The following NLGN1 variants were observed in gnomAD, a reference collection of about 807,000 sequenced individuals.
NLGN1 encodes the protein neuroligin 1.
In NLGN1, 12 loss-of-function variants were observed where a neutral mutation model predicts 65.5. The observed-to-expected ratio is 0.18, with a 90% CI of 0.12 to 0.30. NLGN1 has a LOEUF of 0.30. Ranked by LOEUF, NLGN1 falls within the 10% of genes least tolerant of loss-of-function variation. The pLI is 1.00. For missense variants in NLGN1, 750 were observed against 1,007.1 expected, an observed-to-expected ratio of 0.74 and a Z score of 3.46; for synonymous variants, 350 against 359.5, an observed-to-expected ratio of 0.97 and a Z score of 0.30.
intron 3 of NLGN1, among the ~76,000 whole-genome samples, chr3:173,622,074 A>G (rs1754085907): frequency 6.6e-6 from 1 of 152,120 alleles, no homozygotes; most frequent in Admixed American, 6.6e-5. Flanking sequence ...TTTCTCTATT[A>G]CTGTCATTTC....
intron 4 of NLGN1, among the ~76,000 whole-genome samples, chr3:173,974,122 C>A (rs1238107176): frequency 6.7e-6 from 1 of 149,856 alleles, no homozygotes; most frequent in African/African-American, 2.5e-5. Context: ...GATCAAAGAG[C>A]AATTAAAGTT....
chr3:174,225,939 A>G (rs1350898447), intron 4 of NLGN1, among the ~76,000 whole-genome samples: 4 of 152,174 alleles, frequency 2.6e-5, no homozygotes, highest in Non-Finnish European at 4.4e-5. Context: ...AGAAATACCC[A>G]TATAACATCT....
intron 4 of NLGN1, among the ~76,000 whole-genome samples, chr3:173,866,815 CAG>C (rs1560522922): frequency 6.6e-6 from 1 of 152,132 alleles, no homozygotes; most frequent in East Asian, 1.9e-4. Context: ...GTTAGTTATA[CAG>C]CACCCTTTTG....
chr3:173,693,254 G>A (rs772297349), intron 3 of NLGN1, among the ~76,000 whole-genome samples: 6 of 151,804 alleles, frequency 4.0e-5, no homozygotes, highest in South Asian at 2.1e-4. Flanking sequence ...CATGTATTTC[G>A]GAACACCAGA....
intron 4 of NLGN1, among the ~76,000 whole-genome samples, chr3:174,149,921 C>G (rs918734511): frequency 8.5e-5 from 13 of 152,072 alleles, no homozygotes; most frequent in African/African-American, 3.1e-4. Flanking sequence ...CTTAAAAAGT[C>G]ATATTTTCCT....
At chr3:173,896,957 T>C (rs1323690632) in intron 4 of NLGN1, among the ~76,000 whole-genome samples, 3 of 152,192 alleles carry the variant, frequency 2.0e-5, no homozygotes, top group African/African-American at 4.8e-5. Context: ...ATTACCACAC[T>C]TACTACTAAA....
chr3:173,504,559 A>G (rs568147356), intron 2 of NLGN1, among the ~76,000 whole-genome samples: 2 of 152,128 alleles, frequency 1.3e-5, no homozygotes, highest in South Asian at 4.1e-4. Context: ...TTAACCTCCC[A>G]TCTGCTATCC....
In NLGN1 at chr3:173,488,084, G is replaced by T. The variant is rs73038181; in HGVS notation, c.-321+53006G>T. 5.5e-3 allele frequency among the ~76,000 whole-genome samples: 829 copies of T among 149,938 alleles called. 14 individuals are homozygous for T. The highest frequency in any genetic ancestry group is 0.02 in the African/African-American group (811 of 40,760). ...TTTTCTTCATTCTACTTTTTATGTT[G>T]TACATTTTATTTCTACTTTTTAGTG... On this transcript the variant is annotated intron_variant, in intron 2 of 6. Coordinates refer to ENST00000457714, the Ensembl canonical transcript of NLGN1.
intron 2 of NLGN1, among the ~76,000 whole-genome samples, chr3:173,499,069 T>C (rs949027202): frequency 2.0e-5 from 3 of 150,938 alleles, no homozygotes; most frequent in South Asian, 2.1e-4. Context: ...TTAGATCCCA[T>C]TTGTCAATTT....
chr3:173,612,687 A>T (rs144056923), intron 3 of NLGN1, among the ~76,000 whole-genome samples: 118 of 152,194 alleles, frequency 7.8e-4, no homozygotes, highest in Non-Finnish European at 1.4e-3. Flanking sequence ...ACAAAAGCCT[A>T]TTTACAAATA....
At chr3:173,418,614 G>A (rs1253754100) in intron 1 of NLGN1, among the ~76,000 whole-genome samples, 1 of 152,054 alleles carries the variant, frequency 6.6e-6, no homozygotes, top group Non-Finnish European at 1.5e-5. Context: ...ATAAAAATAT[G>A]TATTTGCCAA....
chr3:174,196,307 T>A lies in NLGN1; in HGVS notation c.647-79008T>A, dbSNP rs982908102. The stretch of plus-strand genomic sequence containing the variant: ...TCAGAAGATAATTCTGTACATCTAT[T>A]TTTTTTCTCTTTTTTTCGCTGCATT... On this transcript the variant is annotated intron_variant, in intron 4 of 6. Transcript: ENST00000457714. 4.7e-4 allele frequency among the ~76,000 whole-genome samples: 58 copies of A among 122,810 alleles called. No homozygotes were observed. In the Middle Eastern group the frequency reaches 0.013, roughly 27 times the overall value. The allele number at this position is 122,810 out of a possible 152,430, so 80.6% of individuals were successfully genotyped here. A position where few individuals can be genotyped will look rare whatever the true frequency, so the allele number is the denominator to read the frequency against.
intron 3 of NLGN1, among the ~76,000 whole-genome samples, chr3:173,726,361 A>C (rs1055119812): frequency 6.6e-6 from 1 of 152,026 alleles, no homozygotes; most frequent in African/African-American, 2.4e-5. Flanking sequence ...GGAATACGGC[A>C]AGGTAATTAA....
chr3:173,562,910 A>T (rs571877921), intron 2 of NLGN1, among the ~76,000 whole-genome samples: 1 of 152,150 alleles, frequency 6.6e-6, no homozygotes, highest in Non-Finnish European at 1.5e-5. Context: ...GGCTATCTCC[A>T]CCAAGATGTC....
At chr3:173,759,550 G>A (rs1777645369) in intron 3 of NLGN1, among the ~76,000 whole-genome samples, 1 of 151,944 alleles carries the variant, frequency 6.6e-6, no homozygotes, top group Non-Finnish European at 1.5e-5. Context: ...AGCAATGTAT[G>A]AGAGTACTCT....
intron 2 of NLGN1, among the ~76,000 whole-genome samples, chr3:173,479,210 TGAG>T (rs1225706527): frequency 6.6e-6 from 1 of 152,122 alleles, no homozygotes; most frequent in Non-Finnish European, 1.5e-5. Context: ...GCTTGGTTCC[TGAG>T]GAGATGGAAG....
intron 4 of NLGN1, among the ~76,000 whole-genome samples, chr3:173,890,333 T>C (rs2152124857): frequency 6.6e-6 from 1 of 152,262 alleles, no homozygotes; most frequent in Non-Finnish European, 1.5e-5. Context: ...CCACACACAC[T>C]TGTTTAGTCC....
chr3:174,293,770 A>G, the NLGN1 span, among the ~76,000 whole-genome samples: 6 of 151,804 alleles, frequency 4.0e-5, no homozygotes, highest in African/African-American at 1.4e-4. Flanking sequence ...GGAGTTGTAG[A>G]AAGAATATCT....
At chr3:174,191,458 A>G (rs1375505609) in intron 4 of NLGN1, among the ~76,000 whole-genome samples, 2 of 152,192 alleles carry the variant, frequency 1.3e-5, no homozygotes, top group East Asian at 3.9e-4. Flanking sequence ...CAAAAGACAA[A>G]CGAGCAAAGC....
Sources: allele counts gnomAD v4.1 joint callset (sites outside exome capture counted in the v4.1 genomes callset), GRCh38; gene constraint gnomAD v4.1.1; transcripts MANE v1.5; gene names NCBI Gene and HGNC (gene_info 2026-07-23, HGNC 2026-07-21).